The following SCUBE1 variants were observed in gnomAD, a reference collection of about 807,000 sequenced individuals.
The protein encoded by SCUBE1 is signal peptide, CUB and EGF-like domain-containing protein 1.
Under a neutral mutation model 124.4 loss-of-function variants are expected in SCUBE1, and 59 were observed. That is an observed-to-expected ratio of 0.47 (90% CI 0.38 to 0.59). The LOEUF (loss-of-function observed/expected upper bound fraction) is 0.59, where lower values mean the gene tolerates loss of function less well. Ranked by LOEUF, SCUBE1 falls within the 20% of genes least tolerant of loss-of-function variation. The pLI, the probability that SCUBE1 is intolerant of heterozygous loss-of-function variation, is 0.00. For missense variants in SCUBE1, 1,150 were observed against 1,371.2 expected (o/e 0.84, Z 2.55); for synonymous variants, 545 against 550.9 (o/e 0.99, Z 0.15).
intron 4 of SCUBE1, among the ~76,000 whole-genome samples, chr22:43,280,758 T>TTCCTCCTCGGCCA (rs1555885904): frequency 1.4e-5 from 2 of 140,628 alleles, no homozygotes; most frequent in African/African-American, 5.9e-5. Flanking sequence ...TCCTGTCACC[T>TTCCTCCTCGGCCA]CCCTCATTGG....
intron 3 of SCUBE1, among the ~76,000 whole-genome samples, chr22:43,295,120 ACGACCCTTCAAGTC>A (rs1018822542): frequency 3.3e-5 from 5 of 152,162 alleles, no homozygotes; most frequent in Admixed American, 3.3e-4. Flanking sequence ...GCTGTGAATG[ACGACCCTTCAAGTC>A]CGATGGCGGT....
In SCUBE1 at chr22:43,294,117, G is replaced by A. The variant is rs118182658; in HGVS notation, c.350-2937C>T. Among the ~76,000 whole-genome samples the A allele has an allele frequency of 4.0e-3, 612 of 152,346 alleles. 2 individuals are homozygous for A. The highest frequency in any genetic ancestry group is 6.5e-3 in the Admixed American group (99 of 15,308). ...ACATGTCTTGTCCCCACTCCCAAGT[G>A]ATAAAGTCCTGAGATGAAGCAGGTG... On this transcript the variant is annotated intron_variant, in intron 3 of 21. Transcript: ENST00000360835.
intron 8 of SCUBE1, among the ~76,000 whole-genome samples, chr22:43,230,840 C>T (rs1275942922): frequency 2.6e-5 from 4 of 152,176 alleles, no homozygotes; most frequent in Admixed American, 2.6e-4. Context: ...GGAGAACAGC[C>T]CTCGCTCCTC....
At chr22:43,241,558 A>C (rs961046736) in intron 6 of SCUBE1, among the ~76,000 whole-genome samples, 2 of 151,808 alleles carry the variant, frequency 1.3e-5, no homozygotes, top group African/African-American at 2.4e-5. Context: ...ACTCTTCATC[A>C]TCCTCCTCTA....
chr22:43,289,058 C>CCCCTTTCAGCCTTCTT (rs1925256671), intron 4 of SCUBE1, among the ~76,000 whole-genome samples: 2 of 152,236 alleles, frequency 1.3e-5, no homozygotes, highest in African/African-American at 4.8e-5. Context: ...GGGGCCTCAG[C>CCCCTTTCAGCCTTCTT]TCCACCTGGA....
At chr22:43,299,803 G>A (rs11913572) in intron 3 of SCUBE1, among the ~76,000 whole-genome samples, 7,922 of 152,116 alleles carry the variant, frequency 0.052, 583 homozygotes, top group African/African-American at 0.16. Flanking sequence ...CTACCCCTTC[G>A]CCCCTGGAAA....
At chr22:43,283,144 A>G (rs1924993736) in intron 4 of SCUBE1, 1 of 152,322 alleles carries the variant, frequency 6.6e-6, no homozygotes, top group South Asian at 2.1e-4. Context: ...TTTGGGGACC[A>G]CAGGTTGACC....
chr22:43,208,260 T>G (rs758516776), intron 19 of SCUBE1, 36 bp from the exon 20 acceptor site: 1 of 1,606,834 alleles, frequency 6.2e-7, no homozygotes, highest in East Asian at 2.2e-5. Flanking sequence ...CTGCCACAGG[T>G]AGGCAGCTCC....
chr22:43,228,950 T>A lies in SCUBE1; in HGVS notation c.1084+122A>T, dbSNP rs150788709. 177 of 706,890 alleles carry A rather than the reference T, an allele frequency of 2.5e-4. No homozygotes were observed. The African/African-American group carries it at 2.8e-3, about 11-fold the overall frequency. 43.8% of individuals were successfully genotyped at this position (706,890 alleles called of 1,614,324 possible). On this transcript the variant is annotated intron_variant, in intron 9 of 21. Coordinates refer to ENST00000360835, the MANE Select transcript of SCUBE1 (RefSeq NM_173050.5). ...CCCTCTGCCCAGGAGTCCCCATCCT[T>A]GCTGAGGCCTCAGGCCCCCCAGGGT...
chr22:43,283,774 A>AT (rs1391076466), intron 4 of SCUBE1: 1 of 152,174 alleles, frequency 6.6e-6, no homozygotes, highest in Non-Finnish European at 1.5e-5. Flanking sequence ...ACTCTTCACT[A>AT]TTTTTTGCAG....
At chr22:43,309,278 C>T (rs1354501906) in intron 3 of SCUBE1, among the ~76,000 whole-genome samples, 1 of 152,212 alleles carries the variant, frequency 6.6e-6, no homozygotes, top group African/African-American at 2.4e-5. Flanking sequence ...ATCTCGTTGG[C>T]CTCTGCATCA....
At chr22:43,233,806 T>A (rs1218798745) in intron 7 of SCUBE1, among the ~76,000 whole-genome samples, 21 of 152,020 alleles carry the variant, frequency 1.4e-4, no homozygotes. Flanking sequence ...CATCCCCCAG[T>A]GATGACAAAA....
At chr22:43,237,494 G>A in intron 7 of SCUBE1, 1 of 152,234 alleles carries the variant, frequency 6.6e-6, no homozygotes, top group Admixed American at 6.5e-5. Flanking sequence ...TCCTGGCACT[G>A]AGTCATGTGG....
chr22:43,316,782 G>GTAGC (rs1926363561), intron 3 of SCUBE1: 1 of 152,362 alleles, frequency 6.6e-6, no homozygotes, highest in South Asian at 2.1e-4. Context: ...GCATCCATGG[G>GTAGC]TAGCTCTTCA....
intron 2 of SCUBE1, among the ~76,000 whole-genome samples, chr22:43,331,583 T>C (rs1316248815): frequency 6.6e-6 from 1 of 152,238 alleles, no homozygotes; most frequent in African/African-American, 2.4e-5. Flanking sequence ...TGCTCCTCGT[T>C]TGGGGCCTGG....
intron 3 of SCUBE1, among the ~76,000 whole-genome samples, chr22:43,294,029 TA>T (rs537071327): frequency 6.6e-6 from 1 of 151,960 alleles, no homozygotes; most frequent in Non-Finnish European, 1.5e-5. Flanking sequence ...CTGTTTACTC[TA>T]CTAGGGAACA....
At chr22:43,306,731 G>A (rs143285909) in intron 3 of SCUBE1, among the ~76,000 whole-genome samples, 3 of 152,286 alleles carry the variant, frequency 2.0e-5, no homozygotes, top group East Asian at 1.9e-4. Context: ...ACACCAGCAT[G>A]CCCCTTTCCA....
At chr22:43,301,229 G>A (rs1236290289) in intron 3 of SCUBE1, among the ~76,000 whole-genome samples, 1 of 152,062 alleles carries the variant, frequency 6.6e-6, no homozygotes, top group African/African-American at 2.4e-5. Context: ...CCTCGTCTCT[G>A]GCCTGGATTC....
intron 21 of SCUBE1, among the ~76,000 whole-genome samples, chr22:43,205,150 G>C (rs1921170032): frequency 6.6e-6 from 1 of 152,142 alleles, no homozygotes; most frequent in African/African-American, 2.4e-5. Context: ...CCTGCACAGA[G>C]AGGTCACGAT....
Sources: allele counts gnomAD v4.1 joint callset (sites outside exome capture counted in the v4.1 genomes callset), GRCh38; gene constraint gnomAD v4.1.1; transcripts MANE v1.5; gene names NCBI Gene and HGNC (gene_info 2026-07-23, HGNC 2026-07-21).